BCAS1: variants seen among roughly 807,000 people sequenced by gnomAD.
BCAS1 encodes the protein breast carcinoma-amplified sequence 1.
A neutral mutation model predicts 65.4 loss-of-function variants in BCAS1; 46 were observed. The ratio of observed to expected loss-of-function variants is 0.70; its 90% confidence interval spans 0.55 to 0.90. The LOEUF (loss-of-function observed/expected upper bound fraction) is 0.90, where lower values mean the gene tolerates loss of function less well. Among genes scored for constraint, BCAS1 ranks in the 40% least tolerant of loss-of-function variants. BCAS1 has a pLI of 0.00. For missense variants in BCAS1, 793 were observed against 771.2 expected, an observed-to-expected ratio of 1.03 and a Z score of -0.33; for synonymous variants, 298 against 293.5, an observed-to-expected ratio of 1.02 and a Z score of -0.16.
chr20:53,962,468 A>C (rs571436217), intron 10 of BCAS1, among the ~76,000 whole-genome samples: 6 of 152,336 alleles, frequency 3.9e-5, no homozygotes, highest in Non-Finnish European at 8.8e-5. Flanking sequence ...TGGAGGAGGA[A>C]AGCATTTTCA....
Position 53,953,547 on chromosome 20 carries a change from G to C in BCAS1, c.1700C>G (p.Pro567Arg). 1 of 1,613,876 alleles carries C rather than the reference G, an allele frequency of 6.2e-7. No individual in the cohort carries two copies. The highest frequency in any genetic ancestry group is 8.5e-7 in the Non-Finnish European group (1 of 1,179,992). ...QKSNKQEAKE[P>R]AQCTEQATVD... ...CGTGGCCTGCTCTGTGCACTGGGCT[G>C]GTTCTTTGGCTTCCTGCTTGTTGCT... The change falls in exon 12 of 13, where the codon CCA (proline) becomes CGA (arginine). Residue 567 changes from proline to arginine, a missense_variant. Physicochemically the swap from Pro to Arg is moderately radical, Grantham distance 103 (BLOSUM62 -2). Transcript: ENST00000688948.
At chr20:53,967,803 G>C (rs1051062729) in intron 9 of BCAS1, among the ~76,000 whole-genome samples, 1 of 152,216 alleles carries the variant, frequency 6.6e-6, no homozygotes, top group Admixed American at 6.5e-5. Context: ...CTCAACTTGT[G>C]TTCTTTTGCA....
At chr20:53,953,371 G>T (rs183231860) in intron 12 of BCAS1, 61 bp downstream of exon 12, 13 of 1,592,316 alleles carry the variant, frequency 8.2e-6, no homozygotes, top group Non-Finnish European at 1.1e-5. Context: ...AAACTGACTG[G>T]GGCAGATGGT....
intron 9 of BCAS1, among the ~76,000 whole-genome samples, 187 bp downstream of exon 9, chr20:53,975,202 G>A (rs1394204368): frequency 6.6e-6 from 1 of 152,166 alleles, no homozygotes; most frequent in Non-Finnish European, 1.5e-5. Context: ...TTCAATGAGA[G>A]TTACAAAAAT....
intron 4 of BCAS1, among the ~76,000 whole-genome samples, chr20:54,022,285 TTG>T (rs11469328): frequency 0.23 from 35,268 of 150,402 alleles, 4,113 homozygotes; most frequent in East Asian, 0.3. Context: ...TAATTGATTG[TTG>T]TGTGTGTGTG....
intron 9 of BCAS1, among the ~76,000 whole-genome samples, chr20:53,973,717 C>T (rs1384950859): frequency 1.3e-5 from 2 of 152,138 alleles, no homozygotes; most frequent in Non-Finnish European, 2.9e-5. Context: ...CTTTGACTTT[C>T]TATAAAATAG....
chr20:53,954,393 T>G (rs558116486), intron 11 of BCAS1, among the ~76,000 whole-genome samples: 2 of 151,974 alleles, frequency 1.3e-5, no homozygotes, highest in African/African-American at 4.8e-5. Context: ...CCTGGAGCCC[T>G]TTTATGCTTA....
chr20:53,958,063 C>A (rs78093102), intron 10 of BCAS1, among the ~76,000 whole-genome samples: 3,283 of 152,222 alleles, frequency 0.022, 37 homozygotes, highest in Non-Finnish European at 0.024. Flanking sequence ...GGACCAGCAG[C>A]TTCAGCATCA....
chr20:54,032,815 A>T (rs2091829003), intron 3 of BCAS1, among the ~76,000 whole-genome samples: 1 of 151,344 alleles, frequency 6.6e-6, no homozygotes. Flanking sequence ...GAACACCCAG[A>T]TTCATAAAGC....
At chr20:53,994,628 T>C (rs2090853311) in intron 6 of BCAS1, among the ~76,000 whole-genome samples, 1 of 152,206 alleles carries the variant, frequency 6.6e-6, no homozygotes, top group African/African-American at 2.4e-5. Flanking sequence ...AAAAGCTTTC[T>C]TCTACTTTAC....
At chr20:53,957,956 C>A (rs1445478315) in intron 10 of BCAS1, among the ~76,000 whole-genome samples, 2 of 151,892 alleles carry the variant, frequency 1.3e-5, no homozygotes, top group African/African-American at 4.8e-5. Context: ...TTTAGCACCC[C>A]CTATAGCCAG....
At chr20:53,994,911 A>G in intron 6 of BCAS1, 101 bp downstream of exon 6, 2 of 934,878 alleles carry the variant, frequency 2.1e-6, no homozygotes, top group Admixed American at 1.8e-5. Flanking sequence ...ACACACACAC[A>G]CACACATATA....
chr20:53,950,537 C>T (rs1438777868), intron 12 of BCAS1, among the ~76,000 whole-genome samples: 1 of 152,122 alleles, frequency 6.6e-6, no homozygotes, highest in Non-Finnish European at 1.5e-5. Context: ...AGTGATCTCC[C>T]AGACCTACAA....
intron 1 of BCAS1, among the ~76,000 whole-genome samples, chr20:54,062,194 G>A (rs2092384289): frequency 6.6e-6 from 1 of 152,062 alleles, no homozygotes; most frequent in Non-Finnish European, 1.5e-5. Context: ...AAGTTTACCA[G>A]GATTTGAGCC....
At chr20:53,968,307 C>T (rs1170230328) in intron 9 of BCAS1, among the ~76,000 whole-genome samples, 1 of 152,182 alleles carries the variant, frequency 6.6e-6, no homozygotes, top group African/African-American at 2.4e-5. Context: ...TGGAAAGTAC[C>T]ATAGAGTCAA....
chr20:54,012,961 C>T (rs2091355087), intron 4 of BCAS1, among the ~76,000 whole-genome samples: 1 of 152,220 alleles, frequency 6.6e-6, no homozygotes. Context: ...ATATTATCTT[C>T]TCAGCAAGTC....
rs1280480455 is a variant in BCAS1, at chr20:54,028,626, G to T, written c.489C>A (p.Val163=). 4 of 1,614,032 alleles carry T rather than the reference G, an allele frequency of 2.5e-6. No homozygotes were observed. In the East Asian group the frequency reaches 6.7e-5, roughly 27 times the overall value. The change falls in exon 4 of 13, where the codon GTC becomes GTA. Residue 163 remains valine (V), a synonymous_variant. Transcript: ENST00000688948. ...GCGTGGGATCCCTGGCGGCAGAGAG[G>T]ACCTTGTCTTGGGCCGGGGCGTGCC... ...TPGHAPAQDK[V]LSAARDPTLL...
chr20:54,068,039 G>A lies in BCAS1; in HGVS notation c.-6+2394C>T, dbSNP rs1395999255. On this transcript the variant is annotated intron_variant, in intron 1 of 12. Transcript: ENST00000688948. ...TGTGCCCGCACAGTGCTAGGAACAC[G>A]GCAGCTATTATCAGGAGTGCCAGGT... 2.6e-5 allele frequency among the ~76,000 whole-genome samples: 4 copies of A among 152,290 alleles called. No homozygotes were observed. The East Asian group carries it at 7.7e-4, about 29-fold the overall frequency.
At chr20:54,003,753 A>T (rs773522840) in intron 4 of BCAS1, among the ~76,000 whole-genome samples, 2 of 152,240 alleles carry the variant, frequency 1.3e-5, no homozygotes, top group Non-Finnish European at 2.9e-5. Flanking sequence ...GCTTCATAAA[A>T]CTAAAAGCAA....
Sources: allele counts gnomAD v4.1 joint callset (sites outside exome capture counted in the v4.1 genomes callset), GRCh38; gene constraint gnomAD v4.1.1; transcripts MANE v1.5; gene names NCBI Gene and HGNC (gene_info 2026-07-23, HGNC 2026-07-21).